The following IST1 variants were observed in gnomAD, a reference collection of about 807,000 sequenced individuals.
IST1 encodes the protein IST1 homolog.
In IST1, 23 loss-of-function variants were observed where a neutral mutation model predicts 37.0. That is an observed-to-expected ratio of 0.62 (90% confidence interval 0.45 to 0.88). The LOEUF (loss-of-function observed/expected upper bound fraction) is 0.88, where lower values mean the gene tolerates loss of function less well. IST1 is among the 40% of genes least tolerant of loss of function. The pLI, the probability that IST1 is intolerant of heterozygous loss-of-function variation, is 0.00. For missense variants in IST1, 488 were observed against 445.4 expected (o/e 1.10, Z -0.86); for synonymous variants, 180 against 161.7 (o/e 1.11, Z -0.86).
At chr16:71,916,112 G>A (rs999463133) in intron 2 of IST1, among the ~76,000 whole-genome samples, 1 of 152,184 alleles carries the variant, frequency 6.6e-6, no homozygotes, top group South Asian at 2.1e-4. Flanking sequence ...GATTACAGGC[G>A]TGAGCTACCA....
At position 71,921,368 on chromosome 16, in the gene IST1, C is replaced by G; in HGVS notation, c.467C>G (p.Ala156Gly). Reference protein sequence around the residue: ...DRLMHKLSVEAPPKILVERYL... With the variant: ...DRLMHKLSVEGPPKILVERYL... ...CTAATGCACAAGCTGAGTGTGGAAG[C>G]CCCACCCAAAATCCTGGTGGAGAGA... The change falls in exon 6 of 10, where the codon GCC becomes GGC. Residue 156 changes from alanine to glycine, a missense_variant. Around this residue, in one of 2 missense-constraint regions of IST1, gnomAD observed 455 missense variants for 386.2 expected, o/e 1.18. Transcript: ENST00000378799. The G allele has an allele frequency of 6.2e-7, 1 of 1,612,610 alleles. No individual in the cohort carries two copies. The highest frequency in any genetic ancestry group is 8.5e-7 in the Non-Finnish European group (1 of 1,179,178).
chr16:71,910,200 G>A (rs1322014268), intron 1 of IST1, among the ~76,000 whole-genome samples: 1 of 152,022 alleles, frequency 6.6e-6, no homozygotes, highest in Non-Finnish European at 1.5e-5. Context: ...ATGAAATCTC[G>A]TGCCATCCTG....
intron 3 of IST1, 88 bp downstream of exon 3, chr16:71,916,730 C>T: frequency 8.9e-7 from 1 of 1,128,354 alleles, no homozygotes; most frequent in Non-Finnish European, 1.3e-6. Flanking sequence ...GGGACTATTT[C>T]ACATGCCCAA....
intron 2 of IST1, 91 bp from the exon 3 acceptor site, chr16:71,916,371 C>A: frequency 8.0e-7 from 1 of 1,245,090 alleles, no homozygotes. Flanking sequence ...ATAGTAGAAA[C>A]ACCCAGTTCT....
rs974844100 is a variant in IST1 at position 71,928,026 on chromosome 16, C to G, written c.*213C>G. 2 of 530,126 alleles carry G rather than the reference C, an allele frequency of 3.8e-6. No homozygotes were observed. The allele number at this position is 530,126 out of a possible 1,614,324, so 32.8% of individuals were successfully genotyped here. On this transcript the variant is annotated 3_prime_UTR_variant, in exon 10 of 10. Coordinates refer to ENST00000378799, the MANE Select transcript of IST1 (RefSeq NM_001270975.2). ...CAATTGGAGACTGAGGCCAGAGCAACTGGCTCCTGGCAGCTGTGCTTGTCC... is the reference window on the plus strand; with the variant it reads ...CAATTGGAGACTGAGGCCAGAGCAAGTGGCTCCTGGCAGCTGTGCTTGTCC...
chr16:71,905,535 T>C lies in IST1; in HGVS notation c.-16+9946T>C, dbSNP rs1329439933. Among the ~76,000 whole-genome samples, 4 of 151,236 alleles carry C rather than the reference T, an allele frequency of 2.6e-5. No homozygotes were observed. The East Asian group carries it at 7.9e-4, about 30-fold the overall frequency. ...CTGGGATTACAGGCGCCCACCACCA[T>C]GCCCAGCTACTTTTTTGTATTTTTA... On this transcript the variant is annotated intron_variant, in intron 1 of 9. Transcript: ENST00000378799.
intron 9 of IST1, among the ~76,000 whole-genome samples, chr16:71,925,162 G>A (rs1488486819): frequency 1.3e-5 from 2 of 150,544 alleles, no homozygotes; most frequent in East Asian, 2.0e-4. Flanking sequence ...ACAGGCGCCC[G>A]CCACCATGCC....
intron 9 of IST1, among the ~76,000 whole-genome samples, chr16:71,925,597 A>T (rs2037723213): frequency 6.6e-6 from 1 of 152,106 alleles, no homozygotes; most frequent in Non-Finnish European, 1.5e-5. Flanking sequence ...TACAGGCATG[A>T]GCCACCGTGC....
At chr16:71,915,471 C>T (rs919896295) in intron 1 of IST1, 155 bp from the exon 2 acceptor site, 2 of 552,884 alleles carry the variant, frequency 3.6e-6, no homozygotes, top group African/African-American at 3.9e-5. Flanking sequence ...TTTACAACAG[C>T]CAAAACAATC....
chr16:71,927,213 T>C (rs769466887), intron 9 of IST1, among the ~76,000 whole-genome samples: 3 of 152,090 alleles, frequency 2.0e-5, no homozygotes, highest in Admixed American at 6.5e-5. Flanking sequence ...AATTAACTTT[T>C]TTTTAGCCAG....
Position 71,928,520 on chromosome 16 carries a change from G to A in IST1, c.*707G>A, listed in dbSNP as rs2037807871. Reference sequence around the variant, plus strand: ...CGTGCTGTTTCCCTTGTACCAGAGGGCGGCACCGTGGAAATTCTGTTTTCC... The same window carrying A: ...CGTGCTGTTTCCCTTGTACCAGAGGACGGCACCGTGGAAATTCTGTTTTCC... On this transcript the variant is annotated 3_prime_UTR_variant, in exon 10 of 10. Transcript: ENST00000378799. 6.6e-6 allele frequency: 1 copy of A among 152,660 alleles called. No individual in the cohort carries two copies. The highest frequency in any genetic ancestry group is 2.1e-4 in the South Asian group (1 of 4,828). The allele number at this position is 152,660 out of a possible 1,614,324, so 9.5% of individuals were successfully genotyped here. A position where few individuals can be genotyped will look rare whatever the true frequency, so the allele number is the denominator to read the frequency against.
chr16:71,915,805 A>G (rs1386698462), intron 2 of IST1, 77 bp downstream of exon 2: 3 of 855,774 alleles, frequency 3.5e-6, no homozygotes, highest in Non-Finnish European at 5.7e-6. Flanking sequence ...TCAGGCCAGT[A>G]CTATGAAGTC....
intron 2 of IST1, among the ~76,000 whole-genome samples, 183 bp downstream of exon 2, chr16:71,915,911 A>C (rs187428131): frequency 2.0e-5 from 3 of 150,566 alleles, no homozygotes; most frequent in Non-Finnish European, 4.4e-5. Flanking sequence ...GCTCACTGCA[A>C]CCTCCATCTC....
intron 4 of IST1, among the ~76,000 whole-genome samples, chr16:71,917,695 CTGTTT>C (rs1362405739): frequency 6.6e-6 from 1 of 152,074 alleles, no homozygotes; most frequent in African/African-American, 2.4e-5. Context: ...CTTTGCCTTT[CTGTTT>C]TATTTCCTAG....
intron 3 of IST1, 149 bp from the exon 4 acceptor site, chr16:71,916,898 T>C (rs2037478868): frequency 1.7e-6 from 1 of 605,926 alleles, no homozygotes; most frequent in Non-Finnish European, 2.8e-6. Context: ...TAAAATAAGA[T>C]CACGAAAATG....
intron 1 of IST1, among the ~76,000 whole-genome samples, chr16:71,900,299 A>G (rs1034097303): frequency 6.6e-6 from 1 of 151,220 alleles, no homozygotes; most frequent in Non-Finnish European, 1.5e-5. Flanking sequence ...TTAGAGCTAC[A>G]AACACTGAGT....
At chr16:71,898,659 T>G (rs1158514382) in intron 1 of IST1, among the ~76,000 whole-genome samples, 1 of 67,892 alleles carries the variant, frequency 1.5e-5, no homozygotes, top group African/African-American at 7.0e-5. Flanking sequence ...TGAGACTCTG[T>G]CTTAAAAAAA....
chr16:71,926,832 A>ATG (rs1267475848), intron 9 of IST1, among the ~76,000 whole-genome samples: 1 of 152,096 alleles, frequency 6.6e-6, no homozygotes, highest in Admixed American at 6.6e-5. Context: ...CATACAGTAG[A>ATG]TGTGTGTGGG....
intron 6 of IST1, 49 bp from the exon 7 acceptor site, chr16:71,922,425 C>T: frequency 2.0e-6 from 3 of 1,512,202 alleles, no homozygotes; most frequent in Non-Finnish European, 2.7e-6. Flanking sequence ...TTCTGGGGAA[C>T]CTGGCCTTGG....
Sources: gnomAD v4.1 joint callset for allele counts (sites outside exome capture counted in the v4.1 genomes callset) on GRCh38, gnomAD v4.1.1 for gene constraint, gnomAD v4.1.1 regional missense constraint, MANE v1.5 for transcripts, NCBI Gene and HGNC (gene_info 2026-07-23, HGNC 2026-07-21) for gene names.